OPCML: variants seen among roughly 807,000 people sequenced by gnomAD.
OPCML encodes the protein opioid binding protein/cell adhesion molecule like, also known as opioid-binding protein/cell adhesion molecule.
A neutral mutation model predicts 37.8 loss-of-function variants in OPCML; 13 were observed. The ratio of observed to expected loss-of-function variants is 0.34; its 90% CI spans 0.22 to 0.55. The LOEUF (loss-of-function observed/expected upper bound fraction) is 0.55. Ranked by LOEUF, OPCML falls within the 20% of genes least tolerant of loss-of-function variation. The pLI, the probability that OPCML is intolerant of heterozygous loss-of-function variation, is 0.91. For synonymous variants in OPCML, 176 were observed against 168.8 expected (o/e 1.04, Z -0.33); for missense variants, 341 against 435.6 (o/e 0.78, Z 1.93).
In OPCML at chr11:132,424,120, G is replaced by T. The variant is rs1356897500; in HGVS notation, c.917-3827C>A. Among the ~76,000 whole-genome samples, 4 of 135,968 alleles carry T rather than the reference G, an allele frequency of 2.9e-5. 1 individual carries two copies. Among genetic ancestry groups the T allele is most frequent in the Non-Finnish European group, 4.7e-5 (3 of 63,618 alleles). The allele number at this position is 135,968 out of a possible 152,430, so 89.2% of individuals were successfully genotyped here. A position where few individuals can be genotyped will look rare whatever the true frequency, so the allele number is the denominator to read the frequency against. On this transcript the variant is annotated intron_variant, in intron 7 of 7. Coordinates refer to ENST00000524381, the MANE Select transcript of OPCML (RefSeq NM_001012393.5). ...CTTCTCTAAAACCTAGAATACTAGA[G>T]GCAGTTTTTTTTTTTTTTAGATGGA... is the stretch of plus-strand genomic sequence containing the variant.
intron 1 of OPCML, among the ~76,000 whole-genome samples, chr11:133,323,413 T>C (rs1943378204): frequency 6.6e-6 from 1 of 152,078 alleles, no homozygotes; most frequent in Non-Finnish European, 1.5e-5. Flanking sequence ...GGAAAAATAA[T>C]ATGGTTAGAA....
At chr11:132,814,649 C>A (rs1357588153) in intron 2 of OPCML, among the ~76,000 whole-genome samples, 1 of 152,218 alleles carries the variant, frequency 6.6e-6, no homozygotes, top group African/African-American at 2.4e-5. Flanking sequence ...TCCTGAGACA[C>A]TTTCACAGAC....
chr11:132,433,450 C>T (rs2096003926), intron 7 of OPCML, among the ~76,000 whole-genome samples: 2 of 152,138 alleles, frequency 1.3e-5, no homozygotes, highest in South Asian at 4.1e-4. Context: ...TGATTTAATC[C>T]TGTCACCAGT....
chr11:132,548,992 TGA>T (rs1244852460), intron 3 of OPCML, among the ~76,000 whole-genome samples: 5 of 152,080 alleles, frequency 3.3e-5, no homozygotes, highest in African/African-American at 1.2e-4. Flanking sequence ...GGAACCAGAG[TGA>T]CTCCATCTTG....
rs566119363 is a variant in OPCML at position 133,470,820 on chromosome 11, G to A, written c.61+61444C>T. 6.2e-4 allele frequency among the ~76,000 whole-genome samples: 94 copies of A among 152,326 alleles called. 3 individuals carry two copies. Among genetic ancestry groups the A allele is most frequent in the African/African-American group, 2.1e-3 (87 of 41,570 alleles). On this transcript the variant is annotated intron_variant, in intron 1 of 7. Coordinates refer to ENST00000524381, the MANE Select transcript of OPCML (RefSeq NM_001012393.5). ...TTGTGCCTTGCTCAGGACAAGCCAT[G>A]TTTGTCTGCATTTCCAGAGATGCTT...
chr11:132,469,571 G>A (rs2096129532), intron 4 of OPCML, among the ~76,000 whole-genome samples: 1 of 145,316 alleles, frequency 6.9e-6, no homozygotes, highest in South Asian at 2.3e-4. Context: ...CTGTGTGTGT[G>A]TATATGTGTA....
chr11:132,820,506 G>T (rs538685860), intron 2 of OPCML, among the ~76,000 whole-genome samples: 1 of 151,850 alleles, frequency 6.6e-6, no homozygotes, highest in South Asian at 2.1e-4. Context: ...TGGTGTGTGT[G>T]TATGTGTGTG....
Position 132,441,165 on chromosome 11 carries a change from G to GTTTTTTT in OPCML, c.506-3813_506-3807dup, listed in dbSNP as rs68143578. ...AGATGTGTTCACCAAGGACTTTTTT[G>GTTTTTTT]TTTTTTTTTTTTTTTTTTTTGAGAC... is the stretch of plus-strand genomic sequence containing the variant. On this transcript the variant is annotated intron_variant, in intron 4 of 7. Transcript: ENST00000524381. 1.5e-4 allele frequency among the ~76,000 whole-genome samples: 11 copies of GTTTTTTT among 72,398 alleles called. 1 individual carries two copies. Among genetic ancestry groups the GTTTTTTT allele is most frequent in the East Asian group, 1.2e-3 (3 of 2,458 alleles). The allele number at this position is 72,398 out of a possible 152,430, so 47.5% of individuals were successfully genotyped here. A position where few individuals can be genotyped will look rare whatever the true frequency, so the allele number is the denominator to read the frequency against.
At chr11:133,250,221 C>T (rs1941081558) in intron 1 of OPCML, among the ~76,000 whole-genome samples, 1 of 152,164 alleles carries the variant, frequency 6.6e-6, no homozygotes, top group Non-Finnish European at 1.5e-5. Context: ...AATATGTTCC[C>T]TCTTATGTAT....
intron 1 of OPCML, among the ~76,000 whole-genome samples, chr11:133,330,855 AT>A (rs771601367): frequency 2.4e-4 from 36 of 152,330 alleles, no homozygotes; most frequent in South Asian, 1.0e-3. Context: ...ATTTAAAAAA[AT>A]GTTCTCATTT....
chr11:133,466,353 C>T (rs1324534076), intron 1 of OPCML, among the ~76,000 whole-genome samples: 1 of 152,114 alleles, frequency 6.6e-6, no homozygotes, highest in Non-Finnish European at 1.5e-5. Context: ...GTAATGGGTA[C>T]AGAGAACAAG....
intron 1 of OPCML, chr11:133,299,218 A>C (rs1942718760): frequency 6.6e-6 from 1 of 152,194 alleles, no homozygotes; most frequent in South Asian, 2.1e-4. Context: ...CACTCCATGA[A>C]ACTTAATTAT....
intron 1 of OPCML, among the ~76,000 whole-genome samples, chr11:133,030,501 C>T (rs1947646271): frequency 6.6e-6 from 1 of 152,144 alleles, no homozygotes; most frequent in Admixed American, 6.5e-5. Flanking sequence ...AAGGACAGAA[C>T]ACTGTGTCCC....
intron 1 of OPCML, among the ~76,000 whole-genome samples, chr11:133,015,353 GAGGA>G (rs1565398629): frequency 1.5e-5 from 2 of 130,244 alleles, no homozygotes; most frequent in Non-Finnish European, 3.3e-5. Context: ...GGGAGGGAGG[GAGGA>G]AGGAAGGGAG....
intron 4 of OPCML, among the ~76,000 whole-genome samples, chr11:132,520,975 C>A (rs2096291932): frequency 6.6e-6 from 1 of 152,070 alleles, no homozygotes; most frequent in South Asian, 2.1e-4. Flanking sequence ...TGGTCTTCCA[C>A]AATGGTTGAA....
chr11:133,530,923 C>T (rs1374203173), intron 1 of OPCML, among the ~76,000 whole-genome samples: 1 of 152,140 alleles, frequency 6.6e-6, no homozygotes, highest in Non-Finnish European at 1.5e-5. Flanking sequence ...AAAATATTCC[C>T]ACAAAACCCT....
chr11:133,067,646 C>A (rs1255486083), intron 1 of OPCML: 2 of 152,212 alleles, frequency 1.3e-5, no homozygotes, highest in Non-Finnish European at 2.9e-5. Context: ...GCATAAAACA[C>A]TTCCTGATGC....
At chr11:132,422,505 A>T (rs2095963222) in intron 7 of OPCML, among the ~76,000 whole-genome samples, 1 of 152,190 alleles carries the variant, frequency 6.6e-6, no homozygotes. Context: ...GTGGAAATGA[A>T]AGGGAGACTT....
At chr11:132,942,019 C>T (rs1281322025) in intron 2 of OPCML, among the ~76,000 whole-genome samples, 2 of 152,146 alleles carry the variant, frequency 1.3e-5, no homozygotes, top group Middle Eastern at 3.2e-3. Flanking sequence ...ATAGGCAGGG[C>T]AAATGCATTC....
Sources: allele counts gnomAD v4.1 joint callset (sites outside exome capture counted in the v4.1 genomes callset), GRCh38; gene constraint gnomAD v4.1.1; transcripts MANE v1.5; gene names NCBI Gene and HGNC (gene_info 2026-07-23, HGNC 2026-07-21).